CFAP299: variants seen among roughly 807,000 people sequenced by gnomAD.
CFAP299 encodes cilia and flagella associated protein 299, also known as cilia- and flagella-associated protein 299.
A neutral mutation model predicts 27.0 loss-of-function variants in CFAP299; 21 were observed. The ratio of observed to expected loss-of-function variants is 0.78; its 90% confidence interval spans 0.55 to 1.12. CFAP299 has a LOEUF of 1.12. Among genes scored for constraint, CFAP299 ranks in the 50% most tolerant of loss-of-function variants. The pLI, the probability that CFAP299 is intolerant of heterozygous loss-of-function variation, is 0.00. For synonymous variants in CFAP299, 104 were observed against 98.1 expected, an observed-to-expected ratio of 1.06 and a Z score of -0.36; for missense variants, 310 against 276.6, an observed-to-expected ratio of 1.12 and a Z score of -0.86.
intron 2 of CFAP299, among the ~76,000 whole-genome samples, chr4:80,397,847 C>T (rs1256012094): frequency 6.6e-6 from 1 of 152,068 alleles, no homozygotes; most frequent in Admixed American, 6.6e-5. Flanking sequence ...GGCAATCAGG[C>T]AGGAGAAAGA....
chr4:80,698,494 A>G (rs540040326), intron 3 of CFAP299, among the ~76,000 whole-genome samples: 20 of 152,346 alleles, frequency 1.3e-4, no homozygotes, highest in Non-Finnish European at 2.5e-4. Context: ...AATTTAGTGT[A>G]GTAAATATTT....
Position 80,898,195 on chromosome 4 carries a change from G to A in CFAP299, c.476+28060G>A, listed in dbSNP as rs75140089. Reference sequence around the variant, plus strand: ...TTGACCAGTGACCAAGAAAAATGAGGTCACATGAACAAATTAGAGGTGGTA... The same window carrying A: ...TTGACCAGTGACCAAGAAAAATGAGATCACATGAACAAATTAGAGGTGGTA... On this transcript the variant is annotated intron_variant, in intron 4 of 5. Coordinates refer to ENST00000358105, the MANE Select transcript of CFAP299 (RefSeq NM_152770.3). Among the ~76,000 whole-genome samples, 777 of 152,194 alleles carry A rather than the reference G, an allele frequency of 5.1e-3. 9 individuals carry two copies. The highest frequency in any genetic ancestry group is 0.018 in the African/African-American group (745 of 41,536).
At chr4:80,931,665 T>C (rs770132769) in intron 4 of CFAP299, among the ~76,000 whole-genome samples, 1 of 152,038 alleles carries the variant, frequency 6.6e-6, no homozygotes, top group Non-Finnish European at 1.5e-5. Flanking sequence ...AGGGAGGCTT[T>C]ATTTCAATCA....
chr4:80,599,163 T>C (rs1282173401), intron 3 of CFAP299, among the ~76,000 whole-genome samples: 2 of 152,248 alleles, frequency 1.3e-5, no homozygotes. Context: ...CACTGTTCTA[T>C]ATATCATTAA....
intron 3 of CFAP299, among the ~76,000 whole-genome samples, chr4:80,724,122 A>G (rs1188701038): frequency 1.3e-5 from 2 of 152,144 alleles, no homozygotes; most frequent in Non-Finnish European, 2.9e-5. Context: ...ATGTCACTAA[A>G]ATATATTCAT....
At chr4:80,815,693 G>A (rs182979280) in intron 3 of CFAP299, among the ~76,000 whole-genome samples, 11 of 151,986 alleles carry the variant, frequency 7.2e-5, no homozygotes, top group Non-Finnish European at 1.3e-4. Context: ...ATATTGTGGA[G>A]CCCTGAAATA....
At chr4:80,354,216 T>A (rs1723150474) in intron 1 of CFAP299, among the ~76,000 whole-genome samples, 1 of 152,120 alleles carries the variant, frequency 6.6e-6, no homozygotes, top group South Asian at 2.1e-4. Context: ...AAATTAGGAT[T>A]TCATATCATT....
At chr4:80,483,059 A>G (rs1730643940) in intron 2 of CFAP299, among the ~76,000 whole-genome samples, 2 of 152,190 alleles carry the variant, frequency 1.3e-5, no homozygotes, top group Non-Finnish European at 2.9e-5. Context: ...CTGGTCTTAA[A>G]TTAGGGATAG....
chr4:80,824,354 C>T (rs753900967), intron 3 of CFAP299, among the ~76,000 whole-genome samples: 16 of 152,092 alleles, frequency 1.1e-4, no homozygotes, highest in East Asian at 7.7e-4. Flanking sequence ...AGTTTATACA[C>T]GGTTTCAGCA....
intron 1 of CFAP299, among the ~76,000 whole-genome samples, chr4:80,355,908 G>C (rs1723251657): frequency 6.6e-6 from 1 of 151,940 alleles, no homozygotes; most frequent in South Asian, 2.1e-4. Context: ...TAAAACCTTT[G>C]CTTATGCCTA....
At chr4:80,919,177 A>C (rs546408753) in intron 4 of CFAP299, among the ~76,000 whole-genome samples, 9 of 152,252 alleles carry the variant, frequency 5.9e-5, no homozygotes, top group Non-Finnish European at 8.8e-5. Flanking sequence ...TCTAAATATT[A>C]GTTCTAAAGC....
At chr4:80,599,734 A>T (rs181731530) in intron 3 of CFAP299, among the ~76,000 whole-genome samples, 80 of 152,198 alleles carry the variant, frequency 5.3e-4, no homozygotes, top group African/African-American at 1.9e-3. Context: ...ATCTTGTAGG[A>T]TACTACTGTT....
chr4:80,693,519 G>A (rs533540394), intron 3 of CFAP299, among the ~76,000 whole-genome samples: 1 of 145,052 alleles, frequency 6.9e-6, no homozygotes, highest in East Asian at 2.1e-4. Flanking sequence ...GACACAGGAA[G>A]GGGAACATCA....
intron 2 of CFAP299, among the ~76,000 whole-genome samples, chr4:80,479,309 G>C (rs536023435): frequency 4.6e-5 from 7 of 151,956 alleles, no homozygotes; most frequent in Non-Finnish European, 1.0e-4. Flanking sequence ...TTAAGAATTA[G>C]AAATTAAGTT....
intron 2 of CFAP299, among the ~76,000 whole-genome samples, chr4:80,573,691 T>C (rs1479496293): frequency 3.3e-5 from 5 of 152,148 alleles, no homozygotes; most frequent in African/African-American, 1.2e-4. Flanking sequence ...GGATATTCAG[T>C]ATTTCTGGCA....
chr4:80,810,761 T>G (rs1729111115), intron 3 of CFAP299, among the ~76,000 whole-genome samples: 1 of 152,130 alleles, frequency 6.6e-6, no homozygotes, highest in South Asian at 2.1e-4. Context: ...ACACAGTTTG[T>G]GGTAATTTGT....
In CFAP299 at chr4:80,944,368, A is replaced by G. The variant is rs188830703; in HGVS notation, c.477-442A>G. Reference sequence around the variant, plus strand: ...TTCCTCACTCCCTGAGAAACATATTATTGAGGAAAAAAAGCGGAGCCTGAA... The same window carrying G: ...TTCCTCACTCCCTGAGAAACATATTGTTGAGGAAAAAAAGCGGAGCCTGAA... On this transcript the variant is annotated intron_variant, in intron 4 of 5. Transcript: ENST00000358105. Among the ~76,000 whole-genome samples, 37 of 152,276 alleles carry G rather than the reference A, an allele frequency of 2.4e-4. 1 individual carries two copies. The East Asian group carries it at 5.2e-3, about 21-fold the overall frequency.
At chr4:80,711,748 T>A (rs2110037169) in intron 3 of CFAP299, among the ~76,000 whole-genome samples, 1 of 152,310 alleles carries the variant, frequency 6.6e-6, no homozygotes, top group Middle Eastern at 3.4e-3. Context: ...CTGGGAGATG[T>A]TCTGATCCAG....
chr4:80,517,765 G>C (rs1298138202), intron 2 of CFAP299, among the ~76,000 whole-genome samples: 1 of 152,162 alleles, frequency 6.6e-6, no homozygotes, highest in African/African-American at 2.4e-5. Flanking sequence ...CAGTGGCCAA[G>C]GTATAGAAGG....
Sources: allele counts gnomAD v4.1 joint callset (sites outside exome capture counted in the v4.1 genomes callset), GRCh38; gene constraint gnomAD v4.1.1; transcripts MANE v1.5; gene names NCBI Gene and HGNC (gene_info 2026-07-23, HGNC 2026-07-21).